The following GPD2 variants were observed in gnomAD, a reference collection of about 807,000 sequenced individuals.
GPD2 encodes the protein glycerol-3-phosphate dehydrogenase, mitochondrial.
Under a neutral mutation model 82.4 loss-of-function variants are expected in GPD2, and 54 were observed. That is an observed-to-expected ratio of 0.66 (90% CI 0.53 to 0.82). GPD2 has a LOEUF of 0.82. GPD2 is among the 40% of genes least tolerant of loss of function. GPD2 has a pLI of 0.00. For synonymous variants in GPD2, 288 were observed against 306.1 expected, an observed-to-expected ratio of 0.94 and a Z score of 0.62; for missense variants, 748 against 896.2, an observed-to-expected ratio of 0.83 and a Z score of 2.11.
intron 1 of GPD2, among the ~76,000 whole-genome samples, chr2:156,437,423 G>A (rs1206086283): frequency 6.6e-6 from 1 of 152,144 alleles, no homozygotes; most frequent in Non-Finnish European, 1.5e-5. Flanking sequence ...GACCACTCTA[G>A]TCCCAGTCCT....
intron 9 of GPD2, among the ~76,000 whole-genome samples, chr2:156,565,532 G>A (rs138095791): frequency 6.6e-6 from 1 of 152,212 alleles, no homozygotes; most frequent in Admixed American, 6.6e-5. Flanking sequence ...ATCCTGTATT[G>A]TCTCCAGTTA....
At chr2:156,499,864 GCT>G (rs891410710) in intron 3 of GPD2, among the ~76,000 whole-genome samples, 1 of 150,846 alleles carries the variant, frequency 6.6e-6, no homozygotes, top group Non-Finnish European at 1.5e-5. Flanking sequence ...TTCTGAACCA[GCT>G]CTGAGAATAG....
At chr2:156,427,137 A>G in the GPD2 span, among the ~76,000 whole-genome samples, 1 of 152,228 alleles carries the variant, frequency 6.6e-6, no homozygotes, top group Admixed American at 6.5e-5. Context: ...CAGGACAACA[A>G]CTAACTCAGC....
At chr2:156,573,158 T>G (rs1687699364) in intron 13 of GPD2, among the ~76,000 whole-genome samples, 1 of 152,190 alleles carries the variant, frequency 6.6e-6, no homozygotes, top group Non-Finnish European at 1.5e-5. Context: ...GGTTTGATTT[T>G]AGGAGTTCCT....
At chr2:156,499,410 T>C (rs1433830343) in intron 3 of GPD2, among the ~76,000 whole-genome samples, 2 of 151,884 alleles carry the variant, frequency 1.3e-5, no homozygotes, top group Non-Finnish European at 2.9e-5. Flanking sequence ...ACAGAGGAAA[T>C]TGTTGAAATG....
chr2:156,538,477 TA>T (rs35817705), intron 6 of GPD2, among the ~76,000 whole-genome samples: 36,108 of 143,484 alleles, frequency 0.25, 4,522 homozygotes, highest in Middle Eastern at 0.32. Flanking sequence ...AGATTGCTGT[TA>T]AAAAAAAAAA....
intron 10 of GPD2, 49 bp downstream of exon 10, chr2:156,569,008 T>G: frequency 2.5e-6 from 3 of 1,211,158 alleles, no homozygotes; most frequent in South Asian, 2.5e-5. Context: ...TTTTTTTTTG[T>G]TATAGGGACA....
the GPD2 span, among the ~76,000 whole-genome samples, chr2:156,401,959 A>C: frequency 6.6e-6 from 1 of 152,186 alleles, no homozygotes; most frequent in Non-Finnish European, 1.5e-5. Flanking sequence ...TATCTCTGGG[A>C]GGGAAATACC....
At chr2:156,452,767 A>G (rs1682660239) in intron 1 of GPD2, among the ~76,000 whole-genome samples, 1 of 152,182 alleles carries the variant, frequency 6.6e-6, no homozygotes, top group South Asian at 2.1e-4. Context: ...GTAATTGTAC[A>G]AATAAAATTT....
Position 156,539,885 on chromosome 2 carries a change from G to C in GPD2, c.662-9723G>C, listed in dbSNP as rs960229276. On this transcript the variant is annotated intron_variant, in intron 6 of 16. Coordinates refer to ENST00000438166, the MANE Select transcript of GPD2 (RefSeq NM_000408.5). ...AATTCGATTCTTGAGTTTTCAGTTG[G>C]CTTATTTGAAATTTTGTAAATTGCA... is the stretch of plus-strand genomic sequence containing the variant. Among the ~76,000 whole-genome samples, 12 of 152,148 alleles carry C rather than the reference G, an allele frequency of 7.9e-5. 1 individual carries two copies. Among genetic ancestry groups the C allele is most frequent in the African/African-American group, 2.9e-4 (12 of 41,424 alleles).
In GPD2 at chr2:156,503,448, A is replaced by G. The variant is rs1684664553; in HGVS notation, c.274+7233A>G. Among the ~76,000 whole-genome samples, 7 of 152,262 alleles carry G rather than the reference A, an allele frequency of 4.6e-5. No homozygotes were observed. The South Asian group carries it at 1.4e-3, about 32-fold the overall frequency. ...ATTATGTCCTTTAAAATATATGCATATATAATTTTCTGTGTTTTTAAGAAG... is the reference window on the plus strand; with the variant it reads ...ATTATGTCCTTTAAAATATATGCATGTATAATTTTCTGTGTTTTTAAGAAG... On this transcript the variant is annotated intron_variant, in intron 3 of 16. Transcript: ENST00000438166.
At chr2:156,459,686 C>CAAAAAAAAATAAAAAAAAAA (rs1553465802) in intron 1 of GPD2, among the ~76,000 whole-genome samples, 1 of 38,788 alleles carries the variant, frequency 2.6e-5, no homozygotes, top group Non-Finnish European at 4.5e-5. Context: ...GACTCCGTCT[C>CAAAAAAAAATAAAAAAAAAA]AAAAAAAAAA....
chr2:156,468,496 G>A (rs1683219537), intron 1 of GPD2, among the ~76,000 whole-genome samples: 2 of 152,130 alleles, frequency 1.3e-5, no homozygotes, highest in African/African-American at 4.8e-5. Context: ...GGAGCAGGTG[G>A]CTGCACAGAT....
At chr2:156,510,547 A>G (rs1024761979) in intron 3 of GPD2, among the ~76,000 whole-genome samples, 1 of 152,172 alleles carries the variant, frequency 6.6e-6, no homozygotes, top group South Asian at 2.1e-4. Context: ...ATGAAATTGC[A>G]CTGTAATATT....
chr2:156,403,939 G>C, the GPD2 span, among the ~76,000 whole-genome samples: 1 of 152,158 alleles, frequency 6.6e-6, no homozygotes, highest in Non-Finnish European at 1.5e-5. Flanking sequence ...AACAGGTTGA[G>C]TGTATAGTTT....
intron 2 of GPD2, among the ~76,000 whole-genome samples, chr2:156,491,761 A>T (rs1410827206): frequency 6.6e-6 from 1 of 151,952 alleles, no homozygotes; most frequent in East Asian, 1.9e-4. Context: ...GGTGGCTCAC[A>T]CCTGTAATCC....
chr2:156,549,678 CA>C lies in GPD2; in HGVS notation c.734del (p.Asn245IlefsTer5). The C allele has an allele frequency of 6.2e-7, 1 of 1,613,642 alleles. No homozygotes were observed. Among genetic ancestry groups the C allele is most frequent in the Non-Finnish European group, 8.5e-7 (1 of 1,179,532 alleles). On this transcript the variant is annotated frameshift_variant, in exon 7 of 17. Transcript: ENST00000438166. LOFTEE classifies it high-confidence loss of function. ...CTGCCAGGTATGGGGCTGCCACAGCCAATTACATGGAGGTAGTGAGCTTGCT... is the reference window on the plus strand; with the variant it reads ...CTGCCAGGTATGGGGCTGCCACAGCCATTACATGGAGGTAGTGAGCTTGCT... ...TAARYGAATA[N>X]YMEVVSLLKK... is the part of the protein sequence containing the mutation.
At chr2:156,452,043 G>A (rs1340314465) in intron 1 of GPD2, among the ~76,000 whole-genome samples, 5 of 151,828 alleles carry the variant, frequency 3.3e-5, no homozygotes, top group Admixed American at 6.6e-5. Flanking sequence ...GATGGCGGCC[G>A]GGCAGAGACG....
At chr2:156,547,682 A>T (rs16840460) in intron 6 of GPD2, among the ~76,000 whole-genome samples, 2,456 of 152,316 alleles carry the variant, frequency 0.016, 64 homozygotes, top group African/African-American at 0.056. Context: ...TTAGATGCTA[A>T]TTAGGGAACA....
Sources: allele counts gnomAD v4.1 joint callset (sites outside exome capture counted in the v4.1 genomes callset), GRCh38; gene constraint gnomAD v4.1.1; transcripts MANE v1.5; gene names NCBI Gene and HGNC (gene_info 2026-07-23, HGNC 2026-07-21).